ADAMTS14: variants seen among roughly 807,000 people sequenced by gnomAD.
ADAMTS14 encodes ADAM metallopeptidase with thrombospondin type 1 motif 14.
A neutral mutation model predicts 128.6 loss-of-function variants in ADAMTS14; 100 were observed. The ratio of observed to expected loss-of-function variants is 0.78; its 90% CI spans 0.66 to 0.92. The LOEUF is 0.92. ADAMTS14 is among the 40% of genes least tolerant of loss of function. The probability of loss-of-function intolerance (pLI) is 0.00; values close to 1 mark genes in which losing one functional copy is unlikely to be tolerated. For missense variants in ADAMTS14, 1,562 were observed against 1,658.6 expected (o/e 0.94, Z 1.01); for synonymous variants, 665 against 653.8 (o/e 1.02, Z -0.26).
At chr10:70,688,257 A>G (rs1840050431) in intron 2 of ADAMTS14, among the ~76,000 whole-genome samples, 1 of 52,654 alleles carries the variant, frequency 1.9e-5, no homozygotes, top group African/African-American at 7.7e-5. Context: ...CGCTCCCCAC[A>G]TCTCAGATGA....
intron 2 of ADAMTS14, among the ~76,000 whole-genome samples, chr10:70,689,500 C>T (rs774470051): frequency 6.9e-6 from 1 of 145,188 alleles, no homozygotes; most frequent in Non-Finnish European, 1.6e-5. Flanking sequence ...GGCGAAGGCG[C>T]GGAGGCCCAT....
chr10:70,729,564 G>A (rs78183675), intron 5 of ADAMTS14, among the ~76,000 whole-genome samples, 187 bp downstream of exon 5: 3,676 of 152,138 alleles, frequency 0.024, 97 homozygotes, highest in African/African-American at 0.064. Context: ...GCAATTTATG[G>A]TTTCCTACAA....
chr10:70,744,090 G>C lies in ADAMTS14; in HGVS notation c.2083G>C (p.Gly695Arg). 6.4e-7 allele frequency: 1 copy of C among 1,565,328 alleles called. No individual in the cohort carries two copies. Among genetic ancestry groups the C allele is most frequent in the East Asian group, 2.4e-5 (1 of 41,838 alleles). The change falls in exon 14 of 22, where the codon GGG (glycine) becomes CGG (arginine). Residue 695 changes from glycine (G) to arginine (R), a missense_variant. By Grantham distance (125) the Gly-to-Arg change is moderately radical. Coordinates refer to ENST00000373207, the MANE Select transcript of ADAMTS14 (RefSeq NM_080722.4). ...GCCTGTCGGCTGTGACAAGGAGGTGGGGTCCATGAAGGCGGATGACAAGTG... is the reference window on the plus strand; with the variant it reads ...GCCTGTCGGCTGTGACAAGGAGGTGCGGTCCATGAAGGCGGATGACAAGTG... The part of the protein sequence containing the change: ...CVPVGCDKEV[G>R]SMKADDKCGV...
In ADAMTS14 at chr10:70,749,922, G is replaced by T. The variant is rs370124495; in HGVS notation, c.2364G>T (p.Ala788=). The part of the protein sequence containing the change: ...FTAMGLEWED[A]VEDAKESLKT... ...CCATGGGCCTGGAGTGGGAGGATGCGGTGGAGGATGCCAAGGAAAGCCTCA... is the reference window on the plus strand; with the variant it reads ...CCATGGGCCTGGAGTGGGAGGATGCTGTGGAGGATGCCAAGGAAAGCCTCA... Residue 788 remains alanine (A), a synonymous_variant, in exon 16 of 22, where the codon GCG becomes GCT. Transcript: ENST00000373207. 6.2e-7 allele frequency: 1 copy of T among 1,614,034 alleles called. No homozygotes were observed. Among genetic ancestry groups the T allele is most frequent in the Non-Finnish European group, 8.5e-7 (1 of 1,180,038 alleles).
In ADAMTS14 at chr10:70,760,373, G is replaced by A. The variant is rs140212721; in HGVS notation, c.3192G>A (p.Thr1064=). Residue 1064 remains threonine (T), a synonymous_variant, in exon 22 of 22, where the codon ACG becomes ACA. Transcript: ENST00000373207. ...CTGTGTGTGCAGCGGAGCCCTGCAC[G>A]GGAGACAGGTCTGTCTTCTGCCAGA... ...INKISSTEPC[T]GDRSVFCQME... The A allele has an allele frequency of 1.6e-5, 25 of 1,576,540 alleles. No homozygotes were observed. The highest frequency in any genetic ancestry group is 4.0e-5 in the African/African-American group (3 of 74,242).
intron 3 of ADAMTS14, among the ~76,000 whole-genome samples, chr10:70,704,024 G>C (rs765490980): frequency 2.6e-5 from 4 of 152,240 alleles, no homozygotes; most frequent in Non-Finnish European, 5.9e-5. Flanking sequence ...CCATTTCACA[G>C]CTTGATTAAA....
intron 3 of ADAMTS14, among the ~76,000 whole-genome samples, chr10:70,702,854 C>T (rs1475976216): frequency 2.0e-5 from 3 of 152,162 alleles, no homozygotes; most frequent in Admixed American, 6.5e-5. Context: ...AGGGCACCTG[C>T]AGGGAGGCTG....
Position 70,758,066 on chromosome 10 carries a change from G to A in ADAMTS14, c.3042G>A (p.Gln1014=). ...AGGGGGATAGGCCAGACACTGTCCA[G>A]GTCTGCAGCCTGCCCGCCTGTGGAG... ...HCEGDRPDTV[Q]VCSLPACGGN... The change falls in exon 20 of 22, where the codon CAG becomes CAA. Residue 1014 remains glutamine, a synonymous_variant. Coordinates refer to ENST00000373207, the MANE Select transcript of ADAMTS14 (RefSeq NM_080722.4). The A allele has an allele frequency of 2.5e-6, 4 of 1,613,350 alleles. No individual in the cohort carries two copies. Among genetic ancestry groups the A allele is most frequent in the Non-Finnish European group, 3.4e-6 (4 of 1,179,662 alleles).
intron 2 of ADAMTS14, among the ~76,000 whole-genome samples, chr10:70,699,358 T>G (rs909297614): frequency 4.6e-5 from 7 of 152,180 alleles, no homozygotes; most frequent in African/African-American, 1.7e-4. Context: ...CAGGTACTGT[T>G]GTTAATAACA....
chr10:70,673,678 C>T (rs578085708), intron 1 of ADAMTS14, among the ~76,000 whole-genome samples: 120 of 152,298 alleles, frequency 7.9e-4, no homozygotes, highest in African/African-American at 2.7e-3. Context: ...TATGTTTCAT[C>T]AGTGACGTGA....
rs1840994899 is a variant in ADAMTS14, at chr10:70,715,008, T to G, written c.870+6230T>G. On this transcript the variant is annotated intron_variant, in intron 4 of 21. Coordinates refer to ENST00000373207, the MANE Select transcript of ADAMTS14 (RefSeq NM_080722.4). ...CTGGGGGCTTATATTCTTAGCTTAATAGGGAGAGAAAGGGGAAGGGAGAAA... is the reference window on the plus strand; with the variant it reads ...CTGGGGGCTTATATTCTTAGCTTAAGAGGGAGAGAAAGGGGAAGGGAGAAA... Among the ~76,000 whole-genome samples, 2 of 136,904 alleles carry G rather than the reference T, an allele frequency of 1.5e-5. 1 individual carries two copies. The highest frequency in any genetic ancestry group is 1.4e-4 in the Admixed American group (2 of 13,948). The allele number at this position is 136,904 out of a possible 152,430, so 89.8% of individuals were successfully genotyped here.
chr10:70,726,190 C>G (rs768391183), intron 4 of ADAMTS14, among the ~76,000 whole-genome samples: 3 of 152,234 alleles, frequency 2.0e-5, no homozygotes, highest in Non-Finnish European at 4.4e-5. Flanking sequence ...CTATCTCCTG[C>G]TCAGACAGGC....
chr10:70,672,639 C>A lies in ADAMTS14; in HGVS notation c.-164C>A, dbSNP rs1249896464. On this transcript the variant is annotated 5_prime_UTR_variant, in exon 1 of 22. Coordinates refer to ENST00000373207, the MANE Select transcript of ADAMTS14 (RefSeq NM_080722.4). ...CAGGCGGCGGCGCCGCGCAGGGGAC[C>A]CGGAGCAGGCGGGAGGGAAGCAGCT... Among the ~76,000 whole-genome samples the A allele has an allele frequency of 6.6e-6, 1 of 151,670 alleles. No individual in the cohort carries two copies. Among genetic ancestry groups the A allele is most frequent in the Non-Finnish European group, 1.5e-5 (1 of 67,854 alleles).
intron 21 of ADAMTS14, 97 bp from the exon 22 acceptor site, chr10:70,760,263 G>C: frequency 6.8e-7 from 1 of 1,462,454 alleles, no homozygotes; most frequent in Non-Finnish European, 9.1e-7. Context: ...GGCAGGGGTG[G>C]AGGGCGGGCA....
intron 4 of ADAMTS14, among the ~76,000 whole-genome samples, chr10:70,720,447 A>G (rs1222451597): frequency 6.6e-6 from 1 of 152,160 alleles, no homozygotes; most frequent in Non-Finnish European, 1.5e-5. Flanking sequence ...GGGGTATCTG[A>G]CCATCATGGA....
At chr10:70,686,961 G>A (rs1305279884) in intron 2 of ADAMTS14, among the ~76,000 whole-genome samples, 233 of 86,946 alleles carry the variant, frequency 2.7e-3, no homozygotes, top group African/African-American at 3.5e-3. Flanking sequence ...CGGACGGGGC[G>A]GCTGGCCGGG....
chr10:70,710,218 C>A (rs370042804), intron 4 of ADAMTS14, among the ~76,000 whole-genome samples: 1 of 152,228 alleles, frequency 6.6e-6, no homozygotes, highest in African/African-American at 2.4e-5. Context: ...CAACAGGAGG[C>A]AACAGGGCAG....
At chr10:70,709,046 C>T (rs1840756795) in intron 4 of ADAMTS14, among the ~76,000 whole-genome samples, 1 of 152,226 alleles carries the variant, frequency 6.6e-6, no homozygotes, top group Admixed American at 6.5e-5. Flanking sequence ...AGGTGACCCA[C>T]CAGGCCTCCT....
Position 70,736,705 on chromosome 10 carries a change from A to G in ADAMTS14, c.1511A>G (p.Gln504Arg). ...TTCAGGACCTTTGAGCCCTGCAAGC[A>G]GCTGTGGTGCAGCCATCCTGACAAC... ...LAFRTFEPCK[Q>R]LWCSHPDNPY... is the part of the protein sequence containing the mutation. Residue 504 changes from glutamine to arginine, a missense_variant, in exon 10 of 22, where the codon CAG (glutamine) becomes CGG (arginine). Gln to Arg is a conservative substitution (Grantham distance 43). Transcript: ENST00000373207. 6.2e-7 allele frequency: 1 copy of G among 1,613,916 alleles called. No individual in the cohort carries two copies.
Sources: allele counts gnomAD v4.1 joint callset (sites outside exome capture counted in the v4.1 genomes callset), GRCh38; gene constraint gnomAD v4.1.1; transcripts MANE v1.5; gene names NCBI Gene and HGNC (gene_info 2026-07-23, HGNC 2026-07-21).